Variants in SIPA1L1 observed in about 807,000 individuals in gnomAD.
SIPA1L1 encodes signal-induced proliferation-associated 1-like protein 1.
SIPA1L1 carries 26 observed loss-of-function variants against 162.7 expected under a neutral mutation model. The observed-to-expected ratio is 0.16, with a 90% confidence interval of 0.12 to 0.22. The LOEUF is 0.22. SIPA1L1 is among the 10% of genes least tolerant of loss of function. The probability of loss-of-function intolerance (pLI) is 1.00; values close to 1 mark genes in which losing one functional copy is unlikely to be tolerated. For synonymous variants in SIPA1L1, 829 were observed against 837.4 expected, an observed-to-expected ratio of 0.99 and a Z score of 0.17; for missense variants, 1,874 against 2,241.0, an observed-to-expected ratio of 0.84 and a Z score of 3.31.
chr14:71,471,309 G>C (rs1034587944), intron 2 of SIPA1L1, among the ~76,000 whole-genome samples: 2 of 151,984 alleles, frequency 1.3e-5, no homozygotes, highest in African/African-American at 4.8e-5. Context: ...TCTCTACTAA[G>C]AATACGAAAA....
chr14:71,323,656 A>G (rs2033424748), intron 2 of SIPA1L1, among the ~76,000 whole-genome samples: 1 of 152,160 alleles, frequency 6.6e-6, no homozygotes, highest in Admixed American at 6.5e-5. Context: ...TTTGGATCAA[A>G]TCATGGAAGT....
chr14:71,732,724 T>G (rs1272562352), intron 20 of SIPA1L1, among the ~76,000 whole-genome samples: 1 of 152,212 alleles, frequency 6.6e-6, no homozygotes, highest in Non-Finnish European at 1.5e-5. Context: ...TAGAGAAGAA[T>G]AATGCCAGTT....
chr14:71,597,377 G>T (rs1018609552), intron 5 of SIPA1L1, among the ~76,000 whole-genome samples: 1 of 151,850 alleles, frequency 6.6e-6, no homozygotes, highest in Non-Finnish European at 1.5e-5. Context: ...TCTTTTTCTT[G>T]AGTAACCTGT....
intron 2 of SIPA1L1, among the ~76,000 whole-genome samples, chr14:71,480,249 A>AT (rs1206021860): frequency 2.0e-5 from 3 of 150,982 alleles, no homozygotes; most frequent in Non-Finnish European, 4.4e-5. Flanking sequence ...TGCCCAGCTA[A>AT]TTTTTTTGTA....
At chr14:71,639,826 A>G (rs1042160833) in intron 7 of SIPA1L1, among the ~76,000 whole-genome samples, 2 of 152,236 alleles carry the variant, frequency 1.3e-5, no homozygotes, top group Non-Finnish European at 2.9e-5. Flanking sequence ...CAGTGGAGGA[A>G]GGATAGGCTT....
In SIPA1L1 at chr14:71,463,869, G is replaced by T. The variant is rs1175712377; in HGVS notation, c.-464-48874G>T. Among the ~76,000 whole-genome samples, 28 of 152,208 alleles carry T rather than the reference G, an allele frequency of 1.8e-4. 1 individual carries two copies. Reference sequence around the variant, plus strand: ...AAATGCCAGAGCTCTACAGGAGTCAGATTATTCTGATTGCCACTTTGCCTC... The same window carrying T: ...AAATGCCAGAGCTCTACAGGAGTCATATTATTCTGATTGCCACTTTGCCTC... On this transcript the variant is annotated intron_variant, in intron 2 of 23. Transcript: ENST00000381232.
At chr14:71,484,003 C>T (rs1195029335) in intron 2 of SIPA1L1, among the ~76,000 whole-genome samples, 1 of 152,178 alleles carries the variant, frequency 6.6e-6, no homozygotes, top group East Asian at 1.9e-4. Context: ...TTTGTCTGTT[C>T]ATATGAGGAA....
intron 2 of SIPA1L1, among the ~76,000 whole-genome samples, chr14:71,493,577 A>G (rs1293138033): frequency 6.6e-6 from 1 of 152,236 alleles, no homozygotes; most frequent in Non-Finnish European, 1.5e-5. Flanking sequence ...GAACAACAAA[A>G]AAAGTATTTT....
chr14:71,487,615 G>A, intron 2 of SIPA1L1, among the ~76,000 whole-genome samples: 1 of 152,148 alleles, frequency 6.6e-6, no homozygotes, highest in Non-Finnish European at 1.5e-5. Context: ...GAGAAAGGAA[G>A]ACTACCTAGA....
At chr14:71,542,855 A>G (rs752961996) in intron 4 of SIPA1L1, among the ~76,000 whole-genome samples, 13 of 148,320 alleles carry the variant, frequency 8.8e-5, no homozygotes, top group Non-Finnish European at 1.5e-4. Flanking sequence ...AAGTGCTGGG[A>G]TTACAGGCAT....
intron 2 of SIPA1L1, among the ~76,000 whole-genome samples, chr14:71,363,193 AC>A (rs2037973702): frequency 6.6e-6 from 1 of 152,186 alleles, no homozygotes. Flanking sequence ...AAGCTTAAAG[AC>A]ATGGATGGTT....
At chr14:71,589,563 G>T (rs961284998) in intron 5 of SIPA1L1, among the ~76,000 whole-genome samples, 193 bp downstream of exon 5, 1 of 152,052 alleles carries the variant, frequency 6.6e-6, no homozygotes, top group East Asian at 1.9e-4. Flanking sequence ...TCTCCTTTCA[G>T]ATATATAAAT....
At position 71,540,889 on chromosome 14, in the gene SIPA1L1, G is replaced by T. The variant is rs562862755; in HGVS notation, c.-303+11519G>T. ...GGCCTGTAATCCCAGCACTTTGGGA[G>T]GTCCAAGTAGGCGGATTGCCTGAGG... On this transcript the variant is annotated intron_variant, in intron 4 of 23. Coordinates refer to ENST00000381232, the MANE Select transcript of SIPA1L1 (RefSeq NM_001386936.1). Among the ~76,000 whole-genome samples, 20 of 152,338 alleles carry T rather than the reference G, an allele frequency of 1.3e-4. 1 individual carries two copies. The South Asian group carries it at 3.9e-3, about 30-fold the overall frequency.
chr14:71,357,070 TAGAGAC>T (rs770241707), intron 2 of SIPA1L1, among the ~76,000 whole-genome samples: 9 of 152,174 alleles, frequency 5.9e-5, no homozygotes, highest in South Asian at 2.1e-4. Context: ...TTTTATGTGT[TAGAGAC>T]AGGGTCTTAC....
rs545529681 is a variant in SIPA1L1 at position 71,636,792 on chromosome 14, A to G, written c.1818+12556A>G. ...CGAGGTGGCTCACGCCTATAATCCC[A>G]ACACTTTGGGAGGCCGAGGTGGGCA... On this transcript the variant is annotated intron_variant, in intron 7 of 23. Coordinates refer to ENST00000381232, the MANE Select transcript of SIPA1L1 (RefSeq NM_001386936.1). Among the ~76,000 whole-genome samples the G allele has an allele frequency of 2.0e-5, 3 of 152,292 alleles. No homozygotes were observed. In the South Asian group the frequency reaches 6.2e-4, roughly 32 times the overall value.
At chr14:71,684,281 G>C (rs2046070786) in intron 12 of SIPA1L1, among the ~76,000 whole-genome samples, 2 of 152,330 alleles carry the variant, frequency 1.3e-5, no homozygotes, top group South Asian at 4.1e-4. Flanking sequence ...GAAATGTAAG[G>C]AGTCAACACT....
chr14:71,467,637 T>C (rs2047104156), intron 2 of SIPA1L1, among the ~76,000 whole-genome samples: 1 of 152,182 alleles, frequency 6.6e-6, no homozygotes, highest in Non-Finnish European at 1.5e-5. Flanking sequence ...AAATTGTCCC[T>C]TATGTTTTTA....
chr14:71,389,291 A>G (rs1252293886), intron 2 of SIPA1L1, among the ~76,000 whole-genome samples: 1 of 152,196 alleles, frequency 6.6e-6, no homozygotes, highest in Non-Finnish European at 1.5e-5. Flanking sequence ...GGAAAGAAAA[A>G]TGAGTTGTAC....
intron 2 of SIPA1L1, among the ~76,000 whole-genome samples, chr14:71,338,544 C>G (rs981752896): frequency 7.9e-5 from 12 of 152,040 alleles, no homozygotes; most frequent in African/African-American, 2.7e-4. Context: ...CTCAGTTACA[C>G]TAGTGATTAT....
Sources: allele counts gnomAD v4.1 joint callset (sites outside exome capture counted in the v4.1 genomes callset), GRCh38; gene constraint gnomAD v4.1.1; transcripts MANE v1.5; gene names NCBI Gene and HGNC (gene_info 2026-07-23, HGNC 2026-07-21).